UTY: variants seen among roughly 807,000 people sequenced by gnomAD.
UTY encodes ubiquitously transcribed tetratricopeptide repeat containing, Y-linked.
Under a neutral mutation model 32.5 loss-of-function variants are expected in UTY, and 12 were observed. That is an observed-to-expected ratio of 0.37 (90% CI 0.24 to 0.60). The LOEUF (loss-of-function observed/expected upper bound fraction) is 0.60. Among genes scored for constraint, UTY ranks in the 20% least tolerant of loss-of-function variants. UTY has a pLI of 0.69. For synonymous variants in UTY, 131 were observed against 103.4 expected, an observed-to-expected ratio of 1.27 and a Z score of -1.62; for missense variants, 303 against 299.2, an observed-to-expected ratio of 1.01 and a Z score of -0.09.
At chrY:13,278,854 C>T in intron 27 of UTY, among the ~76,000 whole-genome samples, 2 of 33,586 alleles carry the variant, frequency 6.0e-5, no homozygotes, top group Admixed American at 5.3e-4. Context: ...TTCCTGGCTG[C>T]ATTCACCATC....
chrY:13,454,089 T>TA (rs2076556269), intron 3 of UTY, among the ~76,000 whole-genome samples: 1 of 24,596 alleles, frequency 4.1e-5, no homozygotes, highest in Non-Finnish European at 9.5e-5. Context: ...AAAAATAAAA[T>TA]AAAAAAAGGC....
chrY:13,257,258 G>A, intron 28 of UTY, among the ~76,000 whole-genome samples: 1 of 33,661 alleles, frequency 3.0e-5, no homozygotes, highest in African/African-American at 1.2e-4. Context: ...AGTGTTTTGC[G>A]GTGATGGGCA....
chrY:13,241,270 CA>C (rs2053897997), intron 28 of UTY, among the ~76,000 whole-genome samples: 1 of 32,544 alleles, frequency 3.1e-5, no homozygotes, highest in Non-Finnish European at 7.5e-5. Context: ...TCTTTAACAA[CA>C]ACCACTGGTC....
intron 2 of UTY, among the ~76,000 whole-genome samples, chrY:13,475,664 T>C (rs749285813): frequency 8.8e-5 from 3 of 34,172 alleles, no homozygotes; most frequent in African/African-American, 3.4e-4. Flanking sequence ...CAATCTTATT[T>C]GGCAATTTAA....
In UTY at chrY:13,470,247, A is replaced by G; in HGVS notation, c.217-18T>C. On this transcript the variant is annotated intron_variant, in intron 2 of 29. Coordinates refer to ENST00000545955, the MANE Select transcript of UTY (RefSeq NM_001258249.2). ...CGAACAGCCTAGAAATAAAAATTAT[A>G]AACATTAAGAAAAAGGCATGTCCTT... is the stretch of plus-strand genomic sequence containing the variant. 1 of 359,338 alleles carries G rather than the reference A, an allele frequency of 2.8e-6. No individual in the cohort carries two copies. Among genetic ancestry groups the G allele is most frequent in the Non-Finnish European group, 3.9e-6 (1 of 253,332 alleles). The allele number at this position is 359,338 out of a possible 400,897, so 89.6% of individuals were successfully genotyped here.
intron 28 of UTY, among the ~76,000 whole-genome samples, chrY:13,252,911 G>A: frequency 6.0e-5 from 2 of 33,195 alleles, no homozygotes; most frequent in African/African-American, 1.2e-4. Flanking sequence ...ATCTCTGTTC[G>A]GGCTCTCAGC....
downstream of UTY, among the ~76,000 whole-genome samples, chrY:13,246,312 C>T (rs749916689): frequency 3.0e-5 from 1 of 33,042 alleles, no homozygotes; most frequent in East Asian, 7.9e-4. Context: ...CCATGTATGT[C>T]CCATATTAGA....
intron 21 of UTY, among the ~76,000 whole-genome samples, chrY:13,321,595 A>G (rs1330038274): frequency 1.5e-4 from 5 of 32,950 alleles, no homozygotes; most frequent in Non-Finnish European, 3.7e-4. Context: ...AAAGAATACA[A>G]CCATTTGTCT....
intron 27 of UTY, among the ~76,000 whole-genome samples, chrY:13,283,219 C>T (rs2057153107): frequency 2.9e-5 from 1 of 34,184 alleles, no homozygotes; most frequent in East Asian, 7.8e-4. Context: ...GGAGTGCCTG[C>T]ATTGGCACTT....
intron 6 of UTY, among the ~76,000 whole-genome samples, chrY:13,400,435 A>G (rs2068828295): frequency 3.0e-5 from 1 of 33,245 alleles, no homozygotes; most frequent in Non-Finnish European, 7.4e-5. Flanking sequence ...CTTTGTCTGT[A>G]TAAGTGACTC....
At chrY:13,372,435 A>G (rs989288616) in intron 8 of UTY, among the ~76,000 whole-genome samples, 1 of 33,255 alleles carries the variant, frequency 3.0e-5, no homozygotes, top group African/African-American at 1.2e-4. Flanking sequence ...ATTTTATACT[A>G]CATATAAAAA....
intron 27 of UTY, among the ~76,000 whole-genome samples, chrY:13,262,715 C>A (rs2055400988): frequency 3.2e-5 from 1 of 30,985 alleles, no homozygotes; most frequent in Admixed American, 3.0e-4. Flanking sequence ...AGGTGCCCGC[C>A]ACCATGCCCA....
At chrY:13,238,667 T>G in intron 28 of UTY, among the ~76,000 whole-genome samples, 1 of 33,757 alleles carries the variant, frequency 3.0e-5, no homozygotes, top group Non-Finnish European at 7.3e-5. Flanking sequence ...CAGGTAAAAC[T>G]GCACTACAGC....
chrY:13,336,063 C>T lies in UTY; in HGVS notation c.2334G>A (p.Arg778=). ...AGCCATTAGATGTGTCTCCAGTATGCCTGCTTGTTTCAGGCACCAAGGATC... is the reference window on the plus strand; with the variant it reads ...AGCCATTAGATGTGTCTCCAGTATGTCTGCTTGTTTCAGGCACCAAGGATC... ...KNRSLVPETS[R]HTGDTSNGCA... Residue 778 remains arginine, a synonymous_variant, in exon 18 of 30, where the codon AGG becomes AGA. Transcript: ENST00000545955. The T allele has an allele frequency of 5.0e-6, 2 of 398,926 alleles. No individual in the cohort carries two copies. Among genetic ancestry groups the T allele is most frequent in the Non-Finnish European group, 7.1e-6 (2 of 283,688 alleles).
At chrY:13,357,458 CAGG>C (rs2063051247) in intron 15 of UTY, among the ~76,000 whole-genome samples, 1 of 31,379 alleles carries the variant, frequency 3.2e-5, no homozygotes, top group South Asian at 7.4e-4. Context: ...TAGGCTGAGG[CAGG>C]AGAACGGCCT....
At chrY:13,362,059 C>G (rs2063603322) in intron 10 of UTY, among the ~76,000 whole-genome samples, 1 of 33,634 alleles carries the variant, frequency 3.0e-5, no homozygotes, top group African/African-American at 1.2e-4. Context: ...TCAGACAAAT[C>G]TGGCTAATAC....
chrY:13,354,462 A>G, intron 17 of UTY, among the ~76,000 whole-genome samples: 2 of 31,134 alleles, frequency 6.4e-5, no homozygotes, highest in African/African-American at 2.5e-4. Flanking sequence ...GGAAGGAAGG[A>G]AAGAGGGAAG....
intron 2 of UTY, chrY:13,479,053 T>C: frequency 7.6e-6 from 1 of 131,441 alleles, no homozygotes; most frequent in Non-Finnish European, 1.4e-5. Context: ...AGCGTCCGAT[T>C]TTTTTTTTCC....
chrY:13,451,562 G>C (rs1016502058), intron 3 of UTY, among the ~76,000 whole-genome samples: 1 of 33,130 alleles, frequency 3.0e-5, no homozygotes, highest in Non-Finnish European at 7.4e-5. Flanking sequence ...AATGAAGGAG[G>C]GCAGGGTGGT....
Sources: allele counts gnomAD v4.1 joint callset (sites outside exome capture counted in the v4.1 genomes callset), GRCh38; gene constraint gnomAD v4.1.1; transcripts MANE v1.5; gene names NCBI Gene and HGNC (gene_info 2026-07-23, HGNC 2026-07-21).